CHRM3: variants seen among roughly 807,000 people sequenced by gnomAD.
The protein encoded by CHRM3 is cholinergic receptor muscarinic 3.
CHRM3 carries 11 observed loss-of-function variants against 41.8 expected under a neutral mutation model. The observed-to-expected ratio is 0.26, with a 90% CI of 0.17 to 0.44. CHRM3 has a LOEUF of 0.44. CHRM3 is among the 20% of genes least tolerant of loss of function. The pLI is 1.00. For synonymous variants in CHRM3, 297 were observed against 301.4 expected, an observed-to-expected ratio of 0.99 and a Z score of 0.15; for missense variants, 571 against 745.4, an observed-to-expected ratio of 0.77 and a Z score of 2.72.
chr1:239,537,759 A>G (rs1392369723), intron 2 of CHRM3, among the ~76,000 whole-genome samples: 1 of 152,080 alleles, frequency 6.6e-6, no homozygotes, highest in East Asian at 1.9e-4. Context: ...TCTTTTTTGC[A>G]AAGGGTCTGT....
intron 3 of CHRM3, among the ~76,000 whole-genome samples, chr1:239,592,030 C>T (rs1398460975): frequency 1.3e-5 from 2 of 152,164 alleles, no homozygotes; most frequent in Non-Finnish European, 2.9e-5. Context: ...GCTGGCAGAA[C>T]AAATGGTTCT....
At chr1:239,669,154 C>T (rs913018088) in intron 4 of CHRM3, among the ~76,000 whole-genome samples, 2 of 152,154 alleles carry the variant, frequency 1.3e-5, no homozygotes, top group Non-Finnish European at 2.9e-5. Context: ...ACTCACATGA[C>T]TCTTAGCTTG....
chr1:239,819,811 T>A (rs1406511778), intron 5 of CHRM3, among the ~76,000 whole-genome samples: 1 of 152,134 alleles, frequency 6.6e-6, no homozygotes, highest in East Asian at 1.9e-4. Flanking sequence ...TCTAAGAGCT[T>A]TTCTTCCTGC....
intron 1 of CHRM3, among the ~76,000 whole-genome samples, chr1:239,475,583 A>G (rs1450284872): frequency 6.6e-6 from 1 of 152,160 alleles, no homozygotes; most frequent in African/African-American, 2.4e-5. Flanking sequence ...TTAGAATAGA[A>G]AAAGGCATGA....
intron 3 of CHRM3, among the ~76,000 whole-genome samples, chr1:239,609,061 C>G (rs1666692764): frequency 6.6e-6 from 1 of 152,096 alleles, no homozygotes; most frequent in Non-Finnish European, 1.5e-5. Flanking sequence ...TGAAAATCAT[C>G]AACAAAAGCA....
intron 1 of CHRM3, among the ~76,000 whole-genome samples, chr1:239,404,468 A>AAGAAAGAGAAAG (rs397954107): frequency 1.1e-5 from 1 of 90,294 alleles, no homozygotes; most frequent in Non-Finnish European, 2.5e-5. Flanking sequence ...GAAAGAAAGA[A>AAGAAAGAGAAAG]AAAGAAAGAA....
At chr1:239,394,112 A>G (rs1297717057) in intron 1 of CHRM3, among the ~76,000 whole-genome samples, 1 of 152,226 alleles carries the variant, frequency 6.6e-6, no homozygotes, top group Non-Finnish European at 1.5e-5. Flanking sequence ...TGTGAGTGTA[A>G]CTAAACAAAT....
chr1:239,635,134 C>T (rs890548813), intron 4 of CHRM3, among the ~76,000 whole-genome samples: 1 of 152,188 alleles, frequency 6.6e-6, no homozygotes, highest in African/African-American at 2.4e-5. Context: ...TGACTCTACT[C>T]CAAGTCATCA....
chr1:239,420,355 A>G (rs557619803), intron 1 of CHRM3, among the ~76,000 whole-genome samples: 17 of 152,278 alleles, frequency 1.1e-4, no homozygotes, highest in Non-Finnish European at 2.5e-4. Flanking sequence ...CGCTGAATGA[A>G]TAGACTTATC....
chr1:239,782,834 A>G lies in CHRM3; in HGVS notation c.-146-44418A>G, dbSNP rs572268283. Among the ~76,000 whole-genome samples, 8 of 152,260 alleles carry G rather than the reference A, an allele frequency of 5.3e-5. No individual in the cohort carries two copies. In the South Asian group the frequency reaches 1.4e-3, roughly 28 times the overall value. On this transcript the variant is annotated intron_variant, in intron 5 of 6. Coordinates refer to ENST00000676153, the MANE Select transcript of CHRM3 (RefSeq NM_001375978.1). ...GTACCATTTGCAGTTAGTTCAAAAT[A>G]TTCCAAATTTCTTTTTGCGATTTCT...
At chr1:239,671,028 G>C (rs1301547733) in intron 4 of CHRM3, among the ~76,000 whole-genome samples, 1 of 152,176 alleles carries the variant, frequency 6.6e-6, no homozygotes, top group Non-Finnish European at 1.5e-5. Flanking sequence ...AGCAGTGTAT[G>C]AGAGTTATAG....
At chr1:239,432,486 T>G (rs574221387) in intron 1 of CHRM3, among the ~76,000 whole-genome samples, 2 of 152,208 alleles carry the variant, frequency 1.3e-5, no homozygotes, top group East Asian at 3.9e-4. Context: ...ACGTGAAGAG[T>G]GAATGGGGAA....
chr1:239,549,899 C>A (rs1659653310), intron 3 of CHRM3, among the ~76,000 whole-genome samples: 1 of 151,746 alleles, frequency 6.6e-6, no homozygotes, highest in Non-Finnish European at 1.5e-5. Context: ...TAGCCCCTAA[C>A]TTTACATATA....
At chr1:239,664,870 A>G (rs1203904933) in intron 4 of CHRM3, among the ~76,000 whole-genome samples, 1 of 151,610 alleles carries the variant, frequency 6.6e-6, no homozygotes, top group African/African-American at 2.4e-5. Context: ...GGTTCGGTCT[A>G]CTCTTGATAG....
chr1:239,413,375 T>G (rs1050691162), intron 1 of CHRM3, among the ~76,000 whole-genome samples: 9 of 152,136 alleles, frequency 5.9e-5, no homozygotes, highest in African/African-American at 2.2e-4. Context: ...CTGCAACCTC[T>G]GCCTCCCGGA....
At chr1:239,493,799 T>A (rs1244797868) in intron 2 of CHRM3, among the ~76,000 whole-genome samples, 1 of 152,172 alleles carries the variant, frequency 6.6e-6, no homozygotes, top group Non-Finnish European at 1.5e-5. Flanking sequence ...ACAAACTATA[T>A]ACAAATGGTA....
At chr1:239,754,585 C>T (rs1666091012) in intron 5 of CHRM3, among the ~76,000 whole-genome samples, 1 of 152,216 alleles carries the variant, frequency 6.6e-6, no homozygotes, top group African/African-American at 2.4e-5. Context: ...AGAATGTCTT[C>T]AGTTCCACAT....
intron 5 of CHRM3, among the ~76,000 whole-genome samples, chr1:239,772,854 G>A (rs13375828): frequency 0.035 from 5,347 of 152,150 alleles, 322 homozygotes; most frequent in African/African-American, 0.12. Context: ...GTCCCCTAAA[G>A]GCAGAAGTTG....
At chr1:239,545,204 G>A (rs1043124823) in intron 2 of CHRM3, among the ~76,000 whole-genome samples, 2 of 152,086 alleles carry the variant, frequency 1.3e-5, no homozygotes, top group South Asian at 2.1e-4. Context: ...TAGTATGTCC[G>A]TGTGGCTATA....
Sources: gnomAD v4.1 joint callset for allele counts (sites outside exome capture counted in the v4.1 genomes callset) on GRCh38, gnomAD v4.1.1 for gene constraint, MANE v1.5 for transcripts, NCBI Gene and HGNC (gene_info 2026-07-23, HGNC 2026-07-21) for gene names.